Variants in CD99 observed in about 807,000 individuals in gnomAD.
CD99 encodes the protein CD99 molecule (Xg blood group).
A neutral mutation model predicts 28.4 loss-of-function variants in CD99; 19 were observed. That is an observed-to-expected ratio of 0.67 (90% CI 0.47 to 0.98). The LOEUF is 0.98. Ranked by LOEUF, CD99 falls within the 50% of genes least tolerant of loss-of-function variation. CD99 has a pLI of 0.00. For synonymous variants in CD99, 103 were observed against 92.1 expected (o/e 1.12, Z -0.67); for missense variants, 283 against 248.8 (o/e 1.14, Z -0.92).
chrX:2,701,609 G>A (rs755521834), intron 1 of CD99, among the ~76,000 whole-genome samples: 2 of 152,346 alleles, frequency 1.3e-5, no homozygotes, highest in South Asian at 2.1e-4. Context: ...TGGTAGACAA[G>A]CAGTAAGAGT....
At chrX:2,726,548 G>A (rs2049295068) in intron 8 of CD99, 175 bp downstream of exon 8, 1 of 691,630 alleles carries the variant, frequency 1.4e-6, no homozygotes, top group South Asian at 1.5e-5. Flanking sequence ...TTTCAGGGCT[G>A]TTCTGCCTTG....
rs1299554898 is a variant in CD99 at position 2,719,738 on chromosome X, G to T, written c.193+33G>T. ...TTTTCCTTTAATCTCTTCTGCTGCT[G>T]ATCTGCTTATTATCACCCAATTATG... On this transcript the variant is annotated intron_variant, in intron 4 of 9. Coordinates refer to ENST00000381192, the MANE Select transcript of CD99 (RefSeq NM_002414.5). 9 of 1,593,194 alleles carry T rather than the reference G, an allele frequency of 5.6e-6. No homozygotes were observed. The Admixed American group carries it at 6.7e-5, about 12-fold the overall frequency.
chrX:2,709,343 A>T (rs182303668), intron 1 of CD99, among the ~76,000 whole-genome samples: 1 of 152,188 alleles, frequency 6.6e-6, no homozygotes, highest in African/African-American at 2.4e-5. Flanking sequence ...GCACACCCAT[A>T]TATGCATGCA....
chrX:2,714,325 C>A, intron 1 of CD99, 97 bp from the exon 2 acceptor site: 1 of 1,026,308 alleles, frequency 9.7e-7, no homozygotes, highest in African/African-American at 1.6e-5. Flanking sequence ...TTTTAAATAT[C>A]ACAAAAAGAA....
intron 7 of CD99, among the ~76,000 whole-genome samples, chrX:2,723,929 G>C (rs937786381): frequency 6.8e-5 from 10 of 146,130 alleles, no homozygotes; most frequent in Non-Finnish European, 9.0e-5. Flanking sequence ...AGGTAAGAAA[G>C]AGAAACAGAG....
rs1253899859 is a variant in CD99 at position 2,715,456 on chromosome X, C to T, written c.100+1002C>T. ...GGACTTGTGGCCGCATCACTCCAGT[C>T]TCTGCCTCCTTCTCCGTGGGGCCTC... On this transcript the variant is annotated intron_variant, in intron 2 of 9. Coordinates refer to ENST00000381192, the MANE Select transcript of CD99 (RefSeq NM_002414.5). 2.6e-5 allele frequency: 4 copies of T among 152,368 alleles called. No individual in the cohort carries two copies. In the South Asian group the frequency reaches 8.3e-4, roughly 32 times the overall value. The allele number at this position is 152,368 out of a possible 1,614,324, so 9.4% of individuals were successfully genotyped here.
At chrX:2,691,448 G>C in intron 1 of CD99, 21 bp downstream of exon 1, 3 of 1,577,740 alleles carry the variant, frequency 1.9e-6, no homozygotes, top group Non-Finnish European at 2.6e-6. Context: ...GGAGGGATCC[G>C]GGTTGGGGGA....
intron 1 of CD99, among the ~76,000 whole-genome samples, chrX:2,695,600 CAG>C (rs1419901369): frequency 3.3e-5 from 5 of 150,832 alleles, no homozygotes; most frequent in African/African-American, 1.2e-4. Context: ...TTTGTAGAGA[CAG>C]GGTCTTGCTA....
intron 9 of CD99, among the ~76,000 whole-genome samples, chrX:2,739,146 G>T (rs1403217929): frequency 6.6e-6 from 1 of 152,062 alleles, no homozygotes; most frequent in African/African-American, 2.4e-5. Context: ...TGGGGTTCTA[G>T]GCGTGAACTA....
At chrX:2,717,935 CCCT>C (rs1231211032) in intron 3 of CD99, 29 of 322,202 alleles carry the variant, frequency 9.0e-5, no homozygotes, top group Non-Finnish European at 4.3e-5. Context: ...AGATTTTCTT[CCCT>C]TTTTTTTTTT....
intron 1 of CD99, among the ~76,000 whole-genome samples, chrX:2,697,223 G>A (rs976594713): frequency 1.2e-4 from 18 of 152,120 alleles, no homozygotes; most frequent in African/African-American, 4.1e-4. Context: ...GTCTGAAAGC[G>A]GTTGCAAACC....
intron 8 of CD99, among the ~76,000 whole-genome samples, chrX:2,730,589 T>C (rs1449166922): frequency 6.6e-6 from 1 of 152,176 alleles, no homozygotes; most frequent in Non-Finnish European, 1.5e-5. Context: ...TTTCTATAAG[T>C]CTCTTATTCT....
intron 1 of CD99, among the ~76,000 whole-genome samples, chrX:2,700,656 C>T (rs1198811026): frequency 6.6e-6 from 1 of 151,718 alleles, no homozygotes; most frequent in Non-Finnish European, 1.5e-5. Context: ...TTCATCTTTC[C>T]ATCCATGCAT....
At chrX:2,731,766 A>C (rs2124242185) in intron 8 of CD99, among the ~76,000 whole-genome samples, 1 of 152,136 alleles carries the variant, frequency 6.6e-6, no homozygotes, top group South Asian at 2.1e-4. Context: ...GCATCTTTCC[A>C]ACAAGGAGAT....
chrX:2,723,269 T>A (rs1276202822), intron 6 of CD99, 45 bp from the exon 7 acceptor site: 1 of 1,609,998 alleles, frequency 6.2e-7, no homozygotes, highest in South Asian at 1.1e-5. Flanking sequence ...GAATTTTTCC[T>A]TGACCCCAAA....
At chrX:2,709,565 G>T (rs1451675309) in intron 1 of CD99, among the ~76,000 whole-genome samples, 1 of 152,252 alleles carries the variant, frequency 6.6e-6, no homozygotes, top group Non-Finnish European at 1.5e-5. Context: ...ATGCACATGT[G>T]TGCCCACACC....
At position 2,733,407 on chromosome X, in the gene CD99, C is replaced by T. The variant is rs774906861; in HGVS notation, c.476-4793C>T. 1.5e-5 allele frequency: 23 copies of T among 1,580,764 alleles called. No individual in the cohort carries two copies. In the South Asian group the frequency reaches 1.5e-4, roughly 10 times the overall value. ...GAGAACCCAGCCCAGGCCTGCGGAG[C>T]GTCCTGACCGTAATCGTTTTATCTG... On this transcript the variant is annotated intron_variant, in intron 8 of 9. Coordinates refer to ENST00000381192, the MANE Select transcript of CD99 (RefSeq NM_002414.5).
At position 2,740,898 on chromosome X, in the gene CD99, A is replaced by T. The variant is rs763137186; in HGVS notation, c.*94A>T. 1 of 1,318,558 alleles carries T rather than the reference A, an allele frequency of 7.6e-7. No individual in the cohort carries two copies. The highest frequency in any genetic ancestry group is 2.3e-5 in the East Asian group (1 of 43,622). The allele number at this position is 1,318,558 out of a possible 1,614,324, so 81.7% of individuals were successfully genotyped here. A position where few individuals can be genotyped will look rare whatever the true frequency, so the allele number is the denominator to read the frequency against. On this transcript the variant is annotated 3_prime_UTR_variant, in exon 10 of 10. Coordinates refer to ENST00000381192, the MANE Select transcript of CD99 (RefSeq NM_002414.5). ...GAAGGACACCTGCCTGAGAGCAGAG[A>T]TGGAGGCCTTCTGTTCACGGCGGAT...
At chrX:2,737,119 C>G (rs759826553) in intron 8 of CD99, among the ~76,000 whole-genome samples, 1 of 152,022 alleles carries the variant, frequency 6.6e-6, no homozygotes, top group Non-Finnish European at 1.5e-5. Flanking sequence ...GAAGAAAGTC[C>G]CCTTTCCCTA....
Sources: gnomAD v4.1 joint callset for allele counts (sites outside exome capture counted in the v4.1 genomes callset) on GRCh38, gnomAD v4.1.1 for gene constraint, MANE v1.5 for transcripts, NCBI Gene and HGNC (gene_info 2026-07-23, HGNC 2026-07-21) for gene names.